The following ERBB4 variants were observed in gnomAD, a reference collection of about 807,000 sequenced individuals.
ERBB4 encodes the protein erb-b2 receptor tyrosine kinase 4.
In ERBB4, 42 loss-of-function variants were observed where a neutral mutation model predicts 158.0. That is an observed-to-expected ratio of 0.27 (90% CI 0.21 to 0.34). The LOEUF (loss-of-function observed/expected upper bound fraction) is 0.34, where lower values mean the gene tolerates loss of function less well. Among genes scored for constraint, ERBB4 ranks in the 10% least tolerant of loss-of-function variants. ERBB4 has a pLI of 1.00. For missense variants in ERBB4, 1,333 were observed against 1,624.1 expected, an observed-to-expected ratio of 0.82 and a Z score of 3.08; for synonymous variants, 583 against 558.7, an observed-to-expected ratio of 1.04 and a Z score of -0.61.
chr2:211,591,087 A>G (rs2125791946), intron 19 of ERBB4, among the ~76,000 whole-genome samples: 1 of 152,350 alleles, frequency 6.6e-6, no homozygotes, highest in Middle Eastern at 3.4e-3. Context: ...TAAAACTGTG[A>G]AATATTCTAG....
At chr2:212,503,959 A>G (rs1375107292) in intron 1 of ERBB4, among the ~76,000 whole-genome samples, 1 of 152,220 alleles carries the variant, frequency 6.6e-6, no homozygotes, top group Non-Finnish European at 1.5e-5. Context: ...AGTAGAAAAC[A>G]AAACTATTTG....
chr2:212,396,041 T>A (rs759000635), intron 1 of ERBB4, among the ~76,000 whole-genome samples: 5 of 152,288 alleles, frequency 3.3e-5, no homozygotes, highest in Non-Finnish European at 5.9e-5. Context: ...TGGTTTTATG[T>A]GCTTTAGGAT....
intron 1 of ERBB4, among the ~76,000 whole-genome samples, chr2:212,214,589 C>A (rs1263083142): frequency 6.6e-6 from 1 of 151,634 alleles, no homozygotes; most frequent in Non-Finnish European, 1.5e-5. Context: ...CCATCACACA[C>A]CTGGTAAAAT....
chr2:212,077,916 A>T (rs2078321119), intron 2 of ERBB4, among the ~76,000 whole-genome samples: 1 of 152,032 alleles, frequency 6.6e-6, no homozygotes, highest in Admixed American at 6.6e-5. Context: ...AAAGCCTATT[A>T]TTCTGGTGGC....
intron 2 of ERBB4, among the ~76,000 whole-genome samples, chr2:211,982,437 T>C (rs1043425679): frequency 6.6e-6 from 1 of 152,000 alleles, no homozygotes; most frequent in Admixed American, 6.6e-5. Flanking sequence ...GGATAACAAG[T>C]GTTAAAGCTC....
chr2:212,178,050 C>T (rs953510252), intron 1 of ERBB4, among the ~76,000 whole-genome samples: 18 of 150,998 alleles, frequency 1.2e-4, no homozygotes, highest in Admixed American at 7.3e-4. Flanking sequence ...TGGTCTGTGG[C>T]TAAAGAGGGA....
At chr2:211,611,959 G>C (rs977301485) in intron 19 of ERBB4, among the ~76,000 whole-genome samples, 1 of 152,046 alleles carries the variant, frequency 6.6e-6, no homozygotes, top group Non-Finnish European at 1.5e-5. Flanking sequence ...ATCTTCCAAG[G>C]GTCTTCCTCC....
At chr2:211,527,284 G>C (rs1283068123) in intron 20 of ERBB4, among the ~76,000 whole-genome samples, 1 of 151,962 alleles carries the variant, frequency 6.6e-6, no homozygotes, top group Non-Finnish European at 1.5e-5. Flanking sequence ...AGGAGGGAGT[G>C]GCATGACATA....
intron 3 of ERBB4, among the ~76,000 whole-genome samples, chr2:211,812,000 T>C (rs751380837): frequency 6.6e-6 from 1 of 152,226 alleles, no homozygotes; most frequent in Non-Finnish European, 1.5e-5. Context: ...AAGTTTGTTA[T>C]TACCGACCTT....
chr2:211,612,799 T>C (rs998901394), intron 19 of ERBB4, among the ~76,000 whole-genome samples: 1 of 152,094 alleles, frequency 6.6e-6, no homozygotes, highest in African/African-American at 2.4e-5. Context: ...GGGCTGAGAT[T>C]AAGATGACGA....
At chr2:211,878,349 A>G (rs1414930764) in intron 3 of ERBB4, among the ~76,000 whole-genome samples, 2 of 152,222 alleles carry the variant, frequency 1.3e-5, no homozygotes, top group South Asian at 4.1e-4. Context: ...AAAGAAAGAG[A>G]TAACTTTGTC....
At chr2:212,031,979 G>T (rs1390862170) in intron 2 of ERBB4, among the ~76,000 whole-genome samples, 1 of 152,058 alleles carries the variant, frequency 6.6e-6, no homozygotes, top group African/African-American at 2.4e-5. Context: ...AAGCAACTTT[G>T]CTGTCTCTTG....
intron 20 of ERBB4, among the ~76,000 whole-genome samples, chr2:211,481,031 A>G (rs2065069503): frequency 6.6e-6 from 1 of 152,190 alleles, no homozygotes. Context: ...AGTAGGACTC[A>G]CAACCTCCAG....
intron 24 of ERBB4, among the ~76,000 whole-genome samples, chr2:211,420,932 T>C (rs1469195367): frequency 6.6e-6 from 1 of 151,930 alleles, no homozygotes; most frequent in Non-Finnish European, 1.5e-5. Context: ...GCCCAGATAG[T>C]GTATGGGTTG....
At chr2:211,557,641 AG>A (rs1450438298) in intron 20 of ERBB4, among the ~76,000 whole-genome samples, 4 of 121,020 alleles carry the variant, frequency 3.3e-5, no homozygotes, top group Non-Finnish European at 6.6e-5. Flanking sequence ...GTTCCTTATA[AG>A]TGTATAAGGA....
At chr2:212,477,111 G>A (rs750673071) in intron 1 of ERBB4, among the ~76,000 whole-genome samples, 1 of 152,088 alleles carries the variant, frequency 6.6e-6, no homozygotes, top group Non-Finnish European at 1.5e-5. Context: ...TTGCCAACTT[G>A]TGAGTATCCA....
In ERBB4 at chr2:212,240,359, C is replaced by T. The variant is rs780906765; in HGVS notation, c.83-115456G>A. Among the ~76,000 whole-genome samples, 76 of 151,980 alleles carry T rather than the reference C, an allele frequency of 5.0e-4. 1 individual carries two copies. The highest frequency in any genetic ancestry group is 3.3e-4 in the Admixed American group (5 of 15,258). On this transcript the variant is annotated intron_variant, in intron 1 of 27. Coordinates refer to ENST00000342788, the MANE Select transcript of ERBB4 (RefSeq NM_005235.3). Reference sequence around the variant, plus strand: ...AAAAGAATATCCTTATCTCTAAAGACGAAGGGGGCAGGAGCTATGGTTCAC... The same window carrying T: ...AAAAGAATATCCTTATCTCTAAAGATGAAGGGGGCAGGAGCTATGGTTCAC...
intron 2 of ERBB4, among the ~76,000 whole-genome samples, chr2:212,100,272 T>A (rs1481019571): frequency 6.6e-6 from 1 of 152,172 alleles, no homozygotes; most frequent in Non-Finnish European, 1.5e-5. Flanking sequence ...CATCAAAAAG[T>A]GTAAGGACAA....
chr2:212,128,129 G>A (rs2125579369), intron 1 of ERBB4, among the ~76,000 whole-genome samples: 1 of 152,260 alleles, frequency 6.6e-6, no homozygotes, highest in South Asian at 2.1e-4. Context: ...ACACCATGCT[G>A]GAATTCATTT....
Sources: gnomAD v4.1 joint callset for allele counts (sites outside exome capture counted in the v4.1 genomes callset) on GRCh38, gnomAD v4.1.1 for gene constraint, MANE v1.5 for transcripts, NCBI Gene and HGNC (gene_info 2026-07-23, HGNC 2026-07-21) for gene names.